Variants in ANKS3 observed in about 807,000 individuals in gnomAD.
ANKS3 encodes the protein ankyrin repeat and sterile alpha motif domain containing 3.
Under a neutral mutation model 80.7 loss-of-function variants are expected in ANKS3, and 62 were observed. The ratio of observed to expected loss-of-function variants is 0.77; its 90% CI spans 0.63 to 0.95. The LOEUF (loss-of-function observed/expected upper bound fraction) is 0.95, where lower values mean the gene tolerates loss of function less well. ANKS3 is among the 40% of genes least tolerant of loss of function. The pLI, the probability that ANKS3 is intolerant of heterozygous loss-of-function variation, is 0.00. For missense variants in ANKS3, 1,150 were observed against 883.6 expected (o/e 1.30, Z -3.82); for synonymous variants, 489 against 355.3 (o/e 1.38, Z -4.23).
intron 6 of ANKS3, among the ~76,000 whole-genome samples, chr16:4,715,627 T>G (rs2080756484): frequency 6.6e-6 from 1 of 152,108 alleles, no homozygotes; most frequent in Non-Finnish European, 1.5e-5. Flanking sequence ...GATACAAAAC[T>G]ACATATACAT....
chr16:4,701,506 C>T lies in ANKS3; in HGVS notation c.1047G>A (p.Gln349=), dbSNP rs2079902365. ...HAFCANLGPV[Q]SSSSSEGLAR... ...CCAGGCCCTCGCTGCTGCTGCTGCT[C>T]TGGACGGGCCCCAGGTTGGCACAGA... The change falls in exon 10 of 18, where the codon CAG becomes CAA. Residue 349 remains glutamine, a synonymous_variant. Coordinates refer to ENST00000304283, the MANE Select transcript of ANKS3 (RefSeq NM_133450.4). 1 of 1,611,880 alleles carries T rather than the reference C, an allele frequency of 6.2e-7. No individual in the cohort carries two copies. The highest frequency in any genetic ancestry group is 8.5e-7 in the Non-Finnish European group (1 of 1,178,868).
At chr16:4,714,432 T>A (rs945515908) in intron 6 of ANKS3, 1 of 549,106 alleles carries the variant, frequency 1.8e-6, no homozygotes, top group African/African-American at 1.9e-5. Flanking sequence ...CCCACGCTCA[T>A]GACCTCCCTT....
At chr16:4,701,783 G>C (rs1276662098) in intron 9 of ANKS3, 1 of 510,600 alleles carries the variant, frequency 2.0e-6, no homozygotes, top group East Asian at 3.2e-5. Context: ...CACACGGTGG[G>C]CACTATGGAA....
intron 7 of ANKS3, among the ~76,000 whole-genome samples, chr16:4,707,968 A>G (rs2080286371): frequency 6.6e-6 from 1 of 152,020 alleles, no homozygotes; most frequent in Non-Finnish European, 1.5e-5. Flanking sequence ...AAAAAAAATG[A>G]GCCAGGCGTG....
chr16:4,714,201 G>C lies in ANKS3; in HGVS notation c.574-15C>G. The C allele has an allele frequency of 6.2e-7, 1 of 1,613,668 alleles. No homozygotes were observed. Among genetic ancestry groups the C allele is most frequent in the Non-Finnish European group, 8.5e-7 (1 of 1,179,796 alleles). On this transcript the variant is annotated splice_polypyrimidine_tract_variant and intron_variant, in intron 6 of 17. Coordinates refer to ENST00000304283, the MANE Select transcript of ANKS3 (RefSeq NM_133450.4). ...ACCTTGACTCCCTGTGAATGTCCGT[G>C]AAAGGGGGTTAGGGGCCTCTCCTTC...
chr16:4,716,634 T>C (rs2080812731), intron 6 of ANKS3, among the ~76,000 whole-genome samples: 1 of 151,988 alleles, frequency 6.6e-6, no homozygotes, highest in Non-Finnish European at 1.5e-5. Flanking sequence ...AAATAATTTA[T>C]AGGCCGGGCA....
intron 6 of ANKS3, among the ~76,000 whole-genome samples, chr16:4,722,147 T>C (rs2081135037): frequency 1.3e-5 from 2 of 151,342 alleles, no homozygotes; most frequent in Non-Finnish European, 1.5e-5. Context: ...ACCATGTGCA[T>C]GTTGTGTCCC....
intron 16 of ANKS3, 94 bp downstream of exon 16, chr16:4,697,239 A>G (rs1213200581): frequency 6.5e-7 from 1 of 1,534,956 alleles, no homozygotes; most frequent in African/African-American, 1.4e-5. Flanking sequence ...GCCTTGGGGT[A>G]GAGAGACACA....
intron 5 of ANKS3, chr16:4,725,128 A>G (rs2081289009): frequency 3.7e-6 from 1 of 267,038 alleles, no homozygotes; most frequent in Admixed American, 5.4e-5. Context: ...CCTCAATCAT[A>G]TTCAAAAAGC....
chr16:4,707,780 G>A (rs2080276302), intron 7 of ANKS3, among the ~76,000 whole-genome samples: 1 of 152,078 alleles, frequency 6.6e-6, no homozygotes, highest in Admixed American at 6.6e-5. Flanking sequence ...AGATAATAGA[G>A]AATACAACTT....
chr16:4,699,288 C>A, intron 11 of ANKS3, 112 bp from the exon 12 acceptor site: 1 of 1,433,378 alleles, frequency 7.0e-7, no homozygotes, highest in Admixed American at 2.0e-5. Context: ...AAGACAGTGC[C>A]TTGTGTGTGG....
chr16:4,701,244 C>T lies in ANKS3; in HGVS notation c.1120-110G>A, dbSNP rs188380762. 982 of 1,523,888 alleles carry T rather than the reference C, an allele frequency of 6.4e-4. 3 individuals are homozygous for T. The African/African-American group carries it at 0.011, about 18-fold the overall frequency. 94.4% of individuals were successfully genotyped at this position (1,523,888 alleles called of 1,614,324 possible). A position where few individuals can be genotyped will look rare whatever the true frequency, so the allele number is the denominator to read the frequency against. ...GAGAGGCTTCGTGAAACCCCCCACC[C>T]GCCACACAGGGGCTTCCGGTGCGTT... On this transcript the variant is annotated intron_variant, in intron 10 of 17. Transcript: ENST00000304283.
rs2081370988 is a variant in ANKS3 at position 4,726,708 on chromosome 16, G to C, written c.442C>G (p.Gln148Glu). 1 of 1,614,214 alleles carries C rather than the reference G, an allele frequency of 6.2e-7. No homozygotes were observed. Among genetic ancestry groups the C allele is most frequent in the African/African-American group, 1.3e-5 (1 of 75,072 alleles). The change falls in exon 5 of 18, where the codon CAG (glutamine) becomes GAG (glutamate). Residue 148 changes from glutamine to glutamate, a missense_variant. By Grantham distance (29) the Gln-to-Glu change is conservative. Transcript: ENST00000304283. ...ALFHCTSAGH[Q>E]HMVRFLLDSG... Reference sequence around the variant, plus strand: ...TCCAAGAGGAACCTGACCATGTGCTGGTGCCCGGCGCTGGTACAGTGGAAG... The same window carrying C: ...TCCAAGAGGAACCTGACCATGTGCTCGTGCCCGGCGCTGGTACAGTGGAAG...
intron 11 of ANKS3, 46 bp from the exon 12 acceptor site, chr16:4,699,222 G>A (rs368710724): frequency 9.2e-5 from 147 of 1,603,710 alleles, no homozygotes; most frequent in African/African-American, 7.9e-4. Flanking sequence ...GGCTGACGAC[G>A]AAGCAGAGAC....
At chr16:4,707,101 A>C (rs2080233557) in intron 7 of ANKS3, among the ~76,000 whole-genome samples, 1 of 152,198 alleles carries the variant, frequency 6.6e-6, no homozygotes, top group African/African-American at 2.4e-5. Flanking sequence ...GCTGTAAGAC[A>C]AATGCAAAGA....
At chr16:4,728,810 G>A (rs550317043) in intron 3 of ANKS3, among the ~76,000 whole-genome samples, 15 of 152,290 alleles carry the variant, frequency 9.8e-5, no homozygotes, top group African/African-American at 3.6e-4. Flanking sequence ...TTGAGGGGCC[G>A]TACTGACTGC....
chr16:4,719,187 G>A (rs1358986463), intron 6 of ANKS3, among the ~76,000 whole-genome samples: 3 of 152,006 alleles, frequency 2.0e-5, no homozygotes, highest in Non-Finnish European at 4.4e-5. Flanking sequence ...AATCAAATCA[G>A]CTAGTGTGAT....
At chr16:4,700,662 T>C in intron 11 of ANKS3, 1 of 469,530 alleles carries the variant, frequency 2.1e-6, no homozygotes, top group Non-Finnish European at 4.0e-6. Context: ...CCACATCTTG[T>C]CAGACTCCTG....
chr16:4,733,153 T>G (rs1360220581), intron 1 of ANKS3, among the ~76,000 whole-genome samples: 3 of 123,238 alleles, frequency 2.4e-5, no homozygotes, highest in East Asian at 5.0e-4. Context: ...ATCTAGTATT[T>G]GATCAAGCCA....
Sources: allele counts gnomAD v4.1 joint callset (sites outside exome capture counted in the v4.1 genomes callset), GRCh38; gene constraint gnomAD v4.1.1; transcripts MANE v1.5; gene names NCBI Gene and HGNC (gene_info 2026-07-23, HGNC 2026-07-21).